Variants in SPOCK3 observed in about 807,000 individuals in gnomAD.
SPOCK3 encodes the protein SPARC (osteonectin), cwcv and kazal like domains proteoglycan 3, also known as testican-3.
In SPOCK3, 30 loss-of-function variants were observed where a neutral mutation model predicts 56.6. That is an observed-to-expected ratio of 0.53 (90% CI 0.40 to 0.72). SPOCK3 has a LOEUF of 0.72. SPOCK3 is among the 30% of genes least tolerant of loss of function. The pLI, the probability that SPOCK3 is intolerant of heterozygous loss-of-function variation, is 0.00. For synonymous variants in SPOCK3, 196 were observed against 183.3 expected (o/e 1.07, Z -0.56); for missense variants, 527 against 530.0 (o/e 0.99, Z 0.06).
chr4:167,058,966 G>T (rs1479756855), intron 3 of SPOCK3, among the ~76,000 whole-genome samples: 1 of 152,064 alleles, frequency 6.6e-6, no homozygotes, highest in Non-Finnish European at 1.5e-5. Flanking sequence ...AGCTGAAACT[G>T]GATCCCTTCC....
At chr4:166,944,911 T>C (rs983863850) in intron 4 of SPOCK3, among the ~76,000 whole-genome samples, 1 of 152,204 alleles carries the variant, frequency 6.6e-6, no homozygotes, top group African/African-American at 2.4e-5. Flanking sequence ...TATTCACTCA[T>C]TTATTTATAT....
intron 2 of SPOCK3, among the ~76,000 whole-genome samples, chr4:167,224,959 C>T (rs144034607): frequency 2.1e-3 from 319 of 152,174 alleles, no homozygotes; most frequent in African/African-American, 7.0e-3. Context: ...GCCACCACAC[C>T]CATCCAAAAC....
At chr4:167,008,319 A>G (rs1281170522) in intron 3 of SPOCK3, among the ~76,000 whole-genome samples, 1 of 151,972 alleles carries the variant, frequency 6.6e-6, no homozygotes, top group East Asian at 1.9e-4. Flanking sequence ...CTTAATTCTT[A>G]TTTTCAAATA....
intron 3 of SPOCK3, among the ~76,000 whole-genome samples, chr4:167,037,401 G>A (rs1752848382): frequency 6.6e-6 from 1 of 151,282 alleles, no homozygotes; most frequent in South Asian, 2.1e-4. Context: ...AAAATCGCTT[G>A]AACCCTGGGG....
intron 6 of SPOCK3, among the ~76,000 whole-genome samples, chr4:166,855,286 A>T (rs1379229339): frequency 2.6e-5 from 4 of 152,274 alleles, no homozygotes; most frequent in Non-Finnish European, 5.9e-5. Flanking sequence ...AAACATACAG[A>T]CAAAAAATAA....
intron 4 of SPOCK3, among the ~76,000 whole-genome samples, chr4:166,998,706 T>C (rs1422310860): frequency 6.6e-6 from 1 of 152,124 alleles, no homozygotes; most frequent in East Asian, 1.9e-4. Context: ...GTGAATCTTT[T>C]CAAAGCTGTT....
In SPOCK3 at chr4:167,040,886, CA is replaced by C. The variant is rs58680370; in HGVS notation, c.235+21605del. 6.1e-3 allele frequency among the ~76,000 whole-genome samples: 933 copies of C among 152,152 alleles called. 8 individuals are homozygous for C. Among genetic ancestry groups the C allele is most frequent in the African/African-American group, 0.022 (902 of 41,520 alleles). On this transcript the variant is annotated intron_variant, in intron 3 of 10. Transcript: ENST00000357545. Reference sequence around the variant, plus strand: ...TTTTAAAAATCAGAAATTAAAAACCCAACAGGTTTGATTTAAATGATTTATA... The same window carrying C: ...TTTTAAAAATCAGAAATTAAAAACCCACAGGTTTGATTTAAATGATTTATA...
chr4:166,906,513 C>G (rs1452838941), intron 5 of SPOCK3, among the ~76,000 whole-genome samples: 9 of 147,468 alleles, frequency 6.1e-5, no homozygotes, highest in African/African-American at 2.2e-4. Context: ...CTACCTTCTA[C>G]TATACACAAA....
intron 4 of SPOCK3, among the ~76,000 whole-genome samples, chr4:166,929,255 G>A (rs777514433): frequency 3.3e-5 from 5 of 152,110 alleles, no homozygotes; most frequent in Non-Finnish European, 7.4e-5. Flanking sequence ...TTGAATTGAT[G>A]GTTTAGTGCT....
intron 6 of SPOCK3, among the ~76,000 whole-genome samples, chr4:166,798,938 T>C (rs1193550052): frequency 3.3e-5 from 5 of 152,126 alleles, no homozygotes. Flanking sequence ...GAGCAAATCT[T>C]CAATATGGAT....
At chr4:167,125,537 C>G (rs1762201744) in intron 2 of SPOCK3, among the ~76,000 whole-genome samples, 1 of 151,542 alleles carries the variant, frequency 6.6e-6, no homozygotes. Flanking sequence ...CACGGCGAAA[C>G]CCTGTCTCTA....
chr4:166,762,051 T>C (rs1737308953), intron 7 of SPOCK3, among the ~76,000 whole-genome samples: 1 of 151,148 alleles, frequency 6.6e-6, no homozygotes, highest in Non-Finnish European at 1.5e-5. Context: ...GTAAAAGAGG[T>C]ATTTCTGGCA....
At chr4:167,040,094 C>G (rs1456985562) in intron 3 of SPOCK3, among the ~76,000 whole-genome samples, 4 of 152,172 alleles carry the variant, frequency 2.6e-5, no homozygotes, top group Non-Finnish European at 5.9e-5. Context: ...AGTTATGCAG[C>G]CTATGTTTCA....
intron 2 of SPOCK3, among the ~76,000 whole-genome samples, chr4:167,219,022 T>C (rs1735637612): frequency 6.6e-6 from 1 of 152,136 alleles, no homozygotes; most frequent in South Asian, 2.1e-4. Context: ...GTGTATAACA[T>C]CTCAACTCCA....
At chr4:167,012,989 C>T (rs944917314) in intron 3 of SPOCK3, among the ~76,000 whole-genome samples, 3 of 151,754 alleles carry the variant, frequency 2.0e-5, no homozygotes, top group Non-Finnish European at 2.9e-5. Context: ...TTTTGTGGTA[C>T]TAAAAGTGAT....
chr4:166,804,448 G>C (rs2126701152), intron 6 of SPOCK3, among the ~76,000 whole-genome samples: 1 of 152,154 alleles, frequency 6.6e-6, no homozygotes, highest in East Asian at 1.9e-4. Flanking sequence ...GAAGAGGTTA[G>C]GGATTCAACA....
chr4:166,857,834 G>A (rs1375070932), intron 6 of SPOCK3, among the ~76,000 whole-genome samples: 1 of 152,110 alleles, frequency 6.6e-6, no homozygotes, highest in Non-Finnish European at 1.5e-5. Context: ...TAGGCTTTTA[G>A]CCCTTTTGCC....
intron 6 of SPOCK3, among the ~76,000 whole-genome samples, chr4:166,845,476 T>C (rs1301103346): frequency 1.3e-5 from 2 of 152,192 alleles, no homozygotes; most frequent in Non-Finnish European, 2.9e-5. Flanking sequence ...TATAATCTTA[T>C]ATTTTTTCTC....
chr4:167,021,050 G>T (rs1055735897), intron 3 of SPOCK3, among the ~76,000 whole-genome samples: 1 of 151,958 alleles, frequency 6.6e-6, no homozygotes, highest in South Asian at 2.1e-4. Context: ...GTTAAGTTGG[G>T]TTACCTATTG....
Sources: allele counts gnomAD v4.1 joint callset (sites outside exome capture counted in the v4.1 genomes callset), GRCh38; gene constraint gnomAD v4.1.1; transcripts MANE v1.5; gene names NCBI Gene and HGNC (gene_info 2026-07-23, HGNC 2026-07-21).